Variants in MAPKAPK5 observed in about 807,000 individuals in gnomAD.
MAPKAPK5 encodes MAP kinase-activated protein kinase 5.
MAPKAPK5 carries 30 observed loss-of-function variants against 65.1 expected under a neutral mutation model. That is an observed-to-expected ratio of 0.46 (90% confidence interval 0.34 to 0.63). The LOEUF (loss-of-function observed/expected upper bound fraction) is 0.63. MAPKAPK5 is among the 20% of genes least tolerant of loss of function. The pLI, the probability that MAPKAPK5 is intolerant of heterozygous loss-of-function variation, is 0.01. For missense variants in MAPKAPK5, 433 were observed against 581.4 expected (o/e 0.74, Z 2.63); for synonymous variants, 179 against 204.6 (o/e 0.87, Z 1.07).
At position 111,880,538 on chromosome 12, in the gene MAPKAPK5, A is replaced by C. The variant is rs1196627544; in HGVS notation, c.660+11A>C. ...TACACTTACAACAAGGTACAGGAAG[A>C]GATATTTCTCTTCATTTGACAGATG... On this transcript the variant is annotated intron_variant, in intron 8 of 13. Coordinates refer to ENST00000550735, the MANE Select transcript of MAPKAPK5 (RefSeq NM_003668.4). The C allele has an allele frequency of 6.2e-7, 1 of 1,612,278 alleles. No individual in the cohort carries two copies. The highest frequency in any genetic ancestry group is 1.1e-5 in the South Asian group (1 of 91,050).
In MAPKAPK5 at chr12:111,883,687, G is replaced by A; in HGVS notation, c.767G>A (p.Arg256Lys). 6.2e-7 allele frequency: 1 copy of A among 1,613,986 alleles called. No individual in the cohort carries two copies. Among genetic ancestry groups the A allele is most frequent in the Non-Finnish European group, 8.5e-7 (1 of 1,179,888 alleles). The change falls in exon 9 of 14, where the codon AGA becomes AAA. Residue 256 changes from arginine (R) to lysine (K), a missense_variant. Arg to Lys is a conservative substitution (Grantham distance 26, BLOSUM62 2). Coordinates refer to ENST00000550735, the MANE Select transcript of MAPKAPK5 (RefSeq NM_003668.4). The surrounding 1 kb of genome is among the most constrained non-coding windows in gnomAD (Gnocchi z 4.8). The part of the protein sequence containing the change: ...HSRTIPKDMR[R>K]KIMTGSFEFP... ...CGGACTATCCCAAAGGATATGCGAA[G>A]AAAGATCATGACAGGCAGTTTTGAG...
At chr12:111,868,469 G>T (rs1023170752) in intron 4 of MAPKAPK5, among the ~76,000 whole-genome samples, 4 of 151,922 alleles carry the variant, frequency 2.6e-5, no homozygotes, top group Non-Finnish European at 5.9e-5. Context: ...CAAACAAATG[G>T]GAAAAAAACG....
intron 10 of MAPKAPK5, chr12:111,887,814 TAC>T (rs58382752): frequency 0.067 from 9,633 of 144,848 alleles, 356 homozygotes; most frequent in African/African-American, 0.11. Flanking sequence ...TTTTCTGGGA[TAC>T]ACACACACAC....
Position 111,866,362 on chromosome 12 carries a change from C to T in MAPKAPK5, c.186+131C>T, listed in dbSNP as rs2301667. ...TTTATGTCCAAACTTTACCTCTCTT[C>T]CCCATTCATGCTATCTTAGTAAAGT... On this transcript the variant is annotated intron_variant, in intron 3 of 13. Coordinates refer to ENST00000550735, the MANE Select transcript of MAPKAPK5 (RefSeq NM_003668.4). The T allele has an allele frequency of 3.4e-4, 238 of 693,996 alleles. No individual in the cohort carries two copies. In the East Asian group the frequency reaches 6.6e-3, roughly 19 times the overall value. 43.0% of individuals were successfully genotyped at this position (693,996 alleles called of 1,614,324 possible).
At chr12:111,884,807 G>A (rs1289763811) in intron 9 of MAPKAPK5, among the ~76,000 whole-genome samples, 1 of 152,170 alleles carries the variant, frequency 6.6e-6, no homozygotes, top group Admixed American at 6.5e-5. Flanking sequence ...ACACCTGGGA[G>A]CTGTCTCCCA....
At position 111,900,412 on chromosome 12, in the gene MAPKAPK5, G is replaced by A. The variant is rs774615391; in HGVS notation, c.*7351G>A. 2.2e-6 allele frequency: 1 copy of A among 456,096 alleles called. No homozygotes were observed. The highest frequency in any genetic ancestry group is 1.5e-5 in the South Asian group (1 of 64,562). The allele number at this position is 456,096 out of a possible 1,614,324, so 28.3% of individuals were successfully genotyped here. ...CAGCACGACCACTCGGCCTGCTTTT[G>A]TAAAGATAAGCACTTTTGCCTCATG... is the stretch of plus-strand genomic sequence containing the variant. On this transcript the variant is annotated 3_prime_UTR_variant, in exon 14 of 14. Coordinates refer to ENST00000550735, the MANE Select transcript of MAPKAPK5 (RefSeq NM_003668.4).
Position 111,885,183 on chromosome 12 carries a change from A to G in MAPKAPK5, c.849-733A>G, listed in dbSNP as rs566153021. 1.2e-4 allele frequency among the ~76,000 whole-genome samples: 19 copies of G among 152,344 alleles called. No individual in the cohort carries two copies. The South Asian group carries it at 3.7e-3, about 30-fold the overall frequency. ...TGAAGCCATCTGTTCAGAATGATCC[A>G]GAAGAAGGTGGCAGACAAGCTGAAG... On this transcript the variant is annotated intron_variant, in intron 9 of 13. Transcript: ENST00000550735.
At chr12:111,882,894 AG>A in intron 8 of MAPKAPK5, 1 of 957,190 alleles carries the variant, frequency 1.0e-6, no homozygotes, top group Non-Finnish European at 1.2e-6. Flanking sequence ...TTCTACATAG[AG>A]GTTTCACAAC....
At chr12:111,843,011 G>A in intron 1 of MAPKAPK5, 2 of 401,688 alleles carry the variant, frequency 5.0e-6, no homozygotes, top group Admixed American at 8.8e-5. Context: ...AGCTGGAACA[G>A]AGGTGAGTGG....
intron 1 of MAPKAPK5, among the ~76,000 whole-genome samples, chr12:111,853,370 T>C (rs1339907298): frequency 6.6e-6 from 1 of 150,884 alleles, no homozygotes; most frequent in Non-Finnish European, 1.5e-5. Context: ...AAACTTCGTC[T>C]CAAAAAAAAA....
At chr12:111,847,081 C>A (rs530561922) in intron 1 of MAPKAPK5, among the ~76,000 whole-genome samples, 5 of 151,938 alleles carry the variant, frequency 3.3e-5, no homozygotes, top group African/African-American at 1.2e-4. Flanking sequence ...GTGGCTTACG[C>A]TTGTAATCCC....
intron 1 of MAPKAPK5, among the ~76,000 whole-genome samples, chr12:111,850,288 A>C (rs779530949): frequency 6.6e-6 from 1 of 152,190 alleles, no homozygotes; most frequent in Non-Finnish European, 1.5e-5. Context: ...CGGCCTCCCA[A>C]AGTGCTGGGA....
chr12:111,859,068 C>T (rs2069342599), intron 1 of MAPKAPK5, among the ~76,000 whole-genome samples: 1 of 147,228 alleles, frequency 6.8e-6, no homozygotes, highest in Admixed American at 6.7e-5. Flanking sequence ...GAGATGGATG[C>T]TATTGATTTC....
At chr12:111,864,529 A>T (rs1370828257) in intron 1 of MAPKAPK5, among the ~76,000 whole-genome samples, 2 of 152,108 alleles carry the variant, frequency 1.3e-5, no homozygotes, top group Non-Finnish European at 2.9e-5. Flanking sequence ...TGAGTGAATG[A>T]ATTAATTAAT....
chr12:111,857,314 T>C (rs1176226000), intron 1 of MAPKAPK5, among the ~76,000 whole-genome samples: 2 of 151,932 alleles, frequency 1.3e-5, no homozygotes, highest in Non-Finnish European at 2.9e-5. Flanking sequence ...TGATCTCGGC[T>C]CACTGCAACC....
At position 111,893,069 on chromosome 12, in the gene MAPKAPK5, T is replaced by C. The variant is rs758634026; in HGVS notation, c.*8T>C. On this transcript the variant is annotated 3_prime_UTR_variant, in exon 14 of 14. Coordinates refer to ENST00000550735, the MANE Select transcript of MAPKAPK5 (RefSeq NM_003668.4). ...TCCCACGAATCCCAATAATGACAGC[T>C]TCAGACTTTGTTTTTTTAACAATTT... 2 of 1,541,864 alleles carry C rather than the reference T, an allele frequency of 1.3e-6. No individual in the cohort carries two copies. The highest frequency in any genetic ancestry group is 1.7e-6 in the Non-Finnish European group (2 of 1,145,068).
At chr12:111,879,912 C>T (rs1237805289) in intron 7 of MAPKAPK5, 1 of 166,780 alleles carries the variant, frequency 6.0e-6, no homozygotes, top group Non-Finnish European at 1.3e-5. Flanking sequence ...TTGCACAGAA[C>T]CTCAGCATCC....
Position 111,901,135 on chromosome 12 carries a change from C to T in MAPKAPK5, c.*8074C>T, listed in dbSNP as rs553499310. ...GATGGCTCATGTTGGAGCATGGATG[C>T]CTATATGAGTACTGACATTCCTGAT... On this transcript the variant is annotated 3_prime_UTR_variant, in exon 14 of 14. Transcript: ENST00000550735. 6.6e-6 allele frequency: 3 copies of T among 456,068 alleles called. No individual in the cohort carries two copies. Among genetic ancestry groups the T allele is most frequent in the Middle Eastern group, 6.5e-4 (2 of 3,070 alleles). 28.3% of individuals were successfully genotyped at this position (456,068 alleles called of 1,614,324 possible).
At chr12:111,878,233 A>G (rs977388790) in intron 7 of MAPKAPK5, among the ~76,000 whole-genome samples, 4 of 151,948 alleles carry the variant, frequency 2.6e-5, no homozygotes, top group African/African-American at 9.7e-5. Flanking sequence ...TGTCTCACCC[A>G]AGATCAGTCT....
Sources: allele counts gnomAD v4.1 joint callset (sites outside exome capture counted in the v4.1 genomes callset), GRCh38; gene constraint gnomAD v4.1.1; non-coding constraint Gnocchi (gnomAD v3.1); transcripts MANE v1.5; gene names NCBI Gene and HGNC (gene_info 2026-07-23, HGNC 2026-07-21).